PTPRJ: variants seen among roughly 807,000 people sequenced by gnomAD.
The protein encoded by PTPRJ is protein tyrosine phosphatase receptor type J.
PTPRJ carries 129 observed loss-of-function variants against 141.3 expected under a neutral mutation model. The ratio of observed to expected loss-of-function variants is 0.91; its 90% CI spans 0.79 to 1.06. The LOEUF (loss-of-function observed/expected upper bound fraction) is 1.06, where lower values mean the gene tolerates loss of function less well. Ranked by LOEUF, PTPRJ falls within the 50% of genes least tolerant of loss-of-function variation. PTPRJ has a pLI of 0.00. For missense variants in PTPRJ, 1,601 were observed against 1,679.7 expected, an observed-to-expected ratio of 0.95 and a Z score of 0.82; for synonymous variants, 610 against 640.5, an observed-to-expected ratio of 0.95 and a Z score of 0.72.
At chr11:48,053,404 TAA>T (rs1491287384) in intron 1 of PTPRJ, among the ~76,000 whole-genome samples, 1 of 108,338 alleles carries the variant, frequency 9.2e-6, no homozygotes, top group East Asian at 2.3e-4. Context: ...ATATGATATA[TAA>T]TATATATAAA....
chr11:48,069,129 T>C (rs1272923118), intron 1 of PTPRJ, among the ~76,000 whole-genome samples: 1 of 151,304 alleles, frequency 6.6e-6, no homozygotes, highest in African/African-American at 2.4e-5. Context: ...AGATGGAGTC[T>C]CGCTCTGATG....
Position 48,164,450 on chromosome 11 carries a change from A to C in PTPRJ, c.3790A>C (p.Thr1264Pro). 6.2e-7 allele frequency: 1 copy of C among 1,613,752 alleles called. No homozygotes were observed. Among genetic ancestry groups the C allele is most frequent in the Non-Finnish European group, 8.5e-7 (1 of 1,179,934 alleles). ...CATCTACCAGATAGAGAATGAGAAC[A>C]CCGTGGATGTGTATGGGATTGTGTA... ...RLIYQIENEN[T>P]VDVYGIVYDL... Residue 1264 changes from threonine (T) to proline (P), a missense_variant, in exon 24 of 25, where the codon ACC (threonine) becomes CCC (proline). Coordinates refer to ENST00000418331, the MANE Select transcript of PTPRJ (RefSeq NM_002843.4).
At position 47,997,190 on chromosome 11, in the gene PTPRJ, G is replaced by A. The variant is rs188526833; in HGVS notation, c.96+16182G>A. ...CCTCTGCCTGCTAGGAGCCAGTAGC[G>A]CCCCCTCCCCCACAGACAAAAATGT... On this transcript the variant is annotated intron_variant, in intron 1 of 24. Coordinates refer to ENST00000418331, the MANE Select transcript of PTPRJ (RefSeq NM_002843.4). 2.4e-3 allele frequency among the ~76,000 whole-genome samples: 369 copies of A among 152,282 alleles called. 2 individuals carry two copies. The highest frequency in any genetic ancestry group is 0.017 in the South Asian group (80 of 4,828).
intron 1 of PTPRJ, among the ~76,000 whole-genome samples, chr11:48,092,437 TC>T (rs1401088641): frequency 2.6e-5 from 4 of 151,764 alleles, no homozygotes; most frequent in Middle Eastern, 3.4e-3. Context: ...GTGTCTTTTT[TC>T]TTTTTTTTTG....
intron 22 of PTPRJ, among the ~76,000 whole-genome samples, chr11:48,161,804 T>C (rs1351250560): frequency 6.6e-6 from 1 of 151,954 alleles, no homozygotes; most frequent in East Asian, 1.9e-4. Flanking sequence ...TTAATAGAGA[T>C]GGGGTGTCAC....
chr11:48,147,851 G>GT (rs780495053), intron 15 of PTPRJ, among the ~76,000 whole-genome samples: 7,461 of 145,052 alleles, frequency 0.051, 174 homozygotes, highest in East Asian at 0.087. Flanking sequence ...GTTAGGTTCT[G>GT]TTTTTTTTTT....
At chr11:48,018,523 T>TA (rs1855010774) in intron 1 of PTPRJ, among the ~76,000 whole-genome samples, 1 of 152,226 alleles carries the variant, frequency 6.6e-6, no homozygotes, top group Admixed American at 6.5e-5. Context: ...CTTTTTTTCT[T>TA]ACCACATGTA....
Position 47,980,610 on chromosome 11 carries a change from C to CG in PTPRJ, c.-300dup. The CG allele has an allele frequency of 1.0e-6, 1 of 983,366 alleles. No homozygotes were observed. Among genetic ancestry groups the CG allele is most frequent in the Non-Finnish European group, 1.2e-6 (1 of 829,534 alleles). 60.9% of individuals were successfully genotyped at this position (983,366 alleles called of 1,614,324 possible). ...AGGCAGCGGGAGCAGCCGCGGGAGC[C>CG]GGGACCGGGTAGCCGCGCGCTGGGG... On this transcript the variant is annotated 5_prime_UTR_variant, in exon 1 of 25. An upstream open reading frame in the 5' UTR gains an earlier in-frame stop. Transcript: ENST00000418331.
In PTPRJ at chr11:48,150,116, A is replaced by C; in HGVS notation, c.3071A>C (p.Glu1024Ala). The C allele has an allele frequency of 6.2e-7, 1 of 1,614,036 alleles. No homozygotes were observed. Among genetic ancestry groups the C allele is most frequent in the Non-Finnish European group, 8.5e-7 (1 of 1,179,920 alleles). Residue 1024 changes from glutamate (E) to alanine (A), a missense_variant, in exon 18 of 25, where the codon GAG becomes GCG. Coordinates refer to ENST00000418331, the MANE Select transcript of PTPRJ (RefSeq NM_002843.4). ...KPKKSKLIRVENFEAYFKKQQ... is the reference protein window; with the variant it reads ...KPKKSKLIRVANFEAYFKKQQ... Reference sequence around the variant, plus strand: ...CTTAGATCTAAGTTAATCAGAGTGGAGAATTTTGAGGCCTACTTCAAGAAG... The same window carrying C: ...CTTAGATCTAAGTTAATCAGAGTGGCGAATTTTGAGGCCTACTTCAAGAAG...
chr11:48,014,464 A>T (rs1310977914), intron 1 of PTPRJ: 1 of 152,200 alleles, frequency 6.6e-6, no homozygotes, highest in Admixed American at 6.5e-5. Flanking sequence ...CTGCTGTAGG[A>T]AATTCATTTA....
intron 1 of PTPRJ, among the ~76,000 whole-genome samples, chr11:48,054,589 C>T (rs893020750): frequency 7.4e-5 from 11 of 148,944 alleles, no homozygotes; most frequent in Non-Finnish European, 1.3e-4. Context: ...CATTTCATTT[C>T]ACCGCTTGTT....
At position 48,149,304 on chromosome 11, in the gene PTPRJ, G is replaced by T. The variant is rs1459599108; in HGVS notation, c.3000-143G>T. ...CATTAAGTTTAGTATTAGGGGGCAG[G>T]ATTTGGTGTCAGCTGTGAACTAATG... On this transcript the variant is annotated intron_variant, in intron 15 of 24. Coordinates refer to ENST00000418331, the MANE Select transcript of PTPRJ (RefSeq NM_002843.4). 4.5e-6 allele frequency: 3 copies of T among 662,536 alleles called. No individual in the cohort carries two copies. The East Asian group carries it at 8.9e-5, about 20-fold the overall frequency. The allele number at this position is 662,536 out of a possible 1,614,324, so 41.0% of individuals were successfully genotyped here.
At chr11:48,079,296 A>G (rs1194896387) in intron 1 of PTPRJ, among the ~76,000 whole-genome samples, 1 of 151,116 alleles carries the variant, frequency 6.6e-6, no homozygotes, top group Non-Finnish European at 1.5e-5. Flanking sequence ...GCAGTACGGG[A>G]GAGTTTTCCC....
chr11:48,149,992 C>A lies in PTPRJ; in HGVS notation c.3044C>A (p.Pro1015His), dbSNP rs774131240. Residue 1015 changes from proline to histidine, a missense_variant and splice_region_variant, in exon 17 of 25, where the codon CCT becomes CAT. Coordinates refer to ENST00000418331, the MANE Select transcript of PTPRJ (RefSeq NM_002843.4). Reference protein sequence around the residue: ...NNEVSFSQIKPKKSKLIRVEN... With the variant: ...NNEVSFSQIKHKKSKLIRVEN... ...TTCTTTCCCTTTCTATCATGAAGAC[C>A]TAAAAAGTGAGTAATCTCTTTATTT... 1 of 1,475,678 alleles carries A rather than the reference C, an allele frequency of 6.8e-7. No individual in the cohort carries two copies. Among genetic ancestry groups the A allele is most frequent in the Non-Finnish European group, 9.4e-7 (1 of 1,061,116 alleles). 91.4% of individuals were successfully genotyped at this position (1,475,678 alleles called of 1,614,324 possible).
At chr11:48,035,140 T>C (rs1315850497) in intron 1 of PTPRJ, among the ~76,000 whole-genome samples, 3 of 152,244 alleles carry the variant, frequency 2.0e-5, no homozygotes, top group Non-Finnish European at 4.4e-5. Context: ...AGACTCACTT[T>C]GTGGCCCATG....
intron 1 of PTPRJ, among the ~76,000 whole-genome samples, chr11:48,040,592 T>A (rs940325454): frequency 6.6e-6 from 1 of 151,088 alleles, no homozygotes; most frequent in African/African-American, 2.5e-5. Flanking sequence ...TCTCTTACTT[T>A]CTTTCTTCTT....
At chr11:48,122,394 T>C (rs532071645) in intron 4 of PTPRJ, among the ~76,000 whole-genome samples, 1 of 152,276 alleles carries the variant, frequency 6.6e-6, no homozygotes, top group East Asian at 1.9e-4. Flanking sequence ...TGAGTGTCCT[T>C]ATCTAGCTTA....
At chr11:48,086,296 C>T (rs981998238) in intron 1 of PTPRJ, among the ~76,000 whole-genome samples, 6 of 152,144 alleles carry the variant, frequency 3.9e-5, no homozygotes, top group Admixed American at 1.3e-4. Context: ...CTCAGCTTCC[C>T]GAGTAGCTGG....
At chr11:48,102,418 T>C (rs940409724) in intron 1 of PTPRJ, among the ~76,000 whole-genome samples, 2 of 152,144 alleles carry the variant, frequency 1.3e-5, no homozygotes, top group Admixed American at 1.3e-4. Flanking sequence ...TCCCTAATTT[T>C]TTTTTTTGAG....
Sources: gnomAD v4.1 joint callset for allele counts (sites outside exome capture counted in the v4.1 genomes callset) on GRCh38, gnomAD v4.1.1 for gene constraint, MANE v1.5 for transcripts, NCBI Gene and HGNC (gene_info 2026-07-23, HGNC 2026-07-21) for gene names.